SLC35F1: variants seen among roughly 807,000 people sequenced by gnomAD.
SLC35F1 encodes solute carrier family 35 member F1.
SLC35F1 carries 14 observed loss-of-function variants against 48.7 expected under a neutral mutation model. That is an observed-to-expected ratio of 0.29 (90% CI 0.19 to 0.45). The LOEUF (loss-of-function observed/expected upper bound fraction) is 0.45. Ranked by LOEUF, SLC35F1 falls within the 20% of genes least tolerant of loss-of-function variation. SLC35F1 has a pLI of 1.00. For missense variants in SLC35F1, 404 were observed against 500.0 expected (o/e 0.81, Z 1.83); for synonymous variants, 190 against 202.2 (o/e 0.94, Z 0.51).
chr6:118,242,045 G>A (rs1775447689), intron 3 of SLC35F1, among the ~76,000 whole-genome samples: 4 of 152,152 alleles, frequency 2.6e-5, no homozygotes, highest in Non-Finnish European at 1.5e-5. Flanking sequence ...TCATGTGCAG[G>A]TTTTTGTGTT....
rs193092906 is a variant in SLC35F1 at position 117,926,617 on chromosome 6, G to A, written c.173+18718G>A. 5.0e-3 allele frequency among the ~76,000 whole-genome samples: 763 copies of A among 152,194 alleles called. 3 individuals are homozygous for A. Among genetic ancestry groups the A allele is most frequent in the Non-Finnish European group, 7.9e-3 (535 of 67,988 alleles). ...ACAATACATTAGAAGCCTGTGAGTG[G>A]GTGAGTATGTGATGAATTCTGGGAA... On this transcript the variant is annotated intron_variant, in intron 1 of 7. Transcript: ENST00000360388.
chr6:118,253,013 T>TTAGATAAGTA (rs971316340), intron 3 of SLC35F1, among the ~76,000 whole-genome samples: 2 of 152,066 alleles, frequency 1.3e-5, no homozygotes, highest in Admixed American at 1.3e-4. Context: ...CACATTCACA[T>TTAGATAAGTA]TAGATAAGTA....
chr6:118,163,058 C>A (rs1297951766), intron 2 of SLC35F1, among the ~76,000 whole-genome samples: 1 of 151,504 alleles, frequency 6.6e-6, no homozygotes, highest in East Asian at 1.9e-4. Context: ...CCCTCCCAGG[C>A]TCAAGCAGTT....
intron 1 of SLC35F1, among the ~76,000 whole-genome samples, chr6:118,051,623 T>C (rs1772393451): frequency 6.6e-6 from 1 of 152,130 alleles, no homozygotes; most frequent in South Asian, 2.1e-4. Context: ...TCCCTAGAGA[T>C]TCACAATATT....
intron 1 of SLC35F1, among the ~76,000 whole-genome samples, chr6:118,071,146 T>G (rs1398304161): frequency 1.4e-5 from 2 of 138,456 alleles, no homozygotes; most frequent in African/African-American, 2.7e-5. Flanking sequence ...TATATATACA[T>G]TCTATGTATA....
chr6:118,199,232 T>C (rs1352489293), intron 2 of SLC35F1, among the ~76,000 whole-genome samples: 4 of 152,208 alleles, frequency 2.6e-5, no homozygotes, highest in African/African-American at 9.6e-5. Flanking sequence ...CAGCACATTC[T>C]ACAGTTACCC....
intron 1 of SLC35F1, among the ~76,000 whole-genome samples, chr6:118,014,877 G>T (rs1777298982): frequency 6.6e-6 from 1 of 152,178 alleles, no homozygotes; most frequent in Admixed American, 6.5e-5. Flanking sequence ...GGGCTGGCAG[G>T]TAAATTGGAC....
intron 1 of SLC35F1, among the ~76,000 whole-genome samples, chr6:118,134,783 G>A (rs1409205011): frequency 6.6e-6 from 1 of 152,176 alleles, no homozygotes; most frequent in African/African-American, 2.4e-5. Flanking sequence ...CGGCTCAGAA[G>A]TGACTTGTGC....
chr6:118,121,027 T>C (rs1157113913), intron 1 of SLC35F1, among the ~76,000 whole-genome samples: 1 of 152,094 alleles, frequency 6.6e-6, no homozygotes, highest in African/African-American at 2.4e-5. Flanking sequence ...TAAACTCAAA[T>C]CTTTTTCAAA....
intron 1 of SLC35F1, among the ~76,000 whole-genome samples, chr6:118,096,494 T>C (rs1441640260): frequency 6.6e-6 from 1 of 152,222 alleles, no homozygotes; most frequent in Admixed American, 6.5e-5. Flanking sequence ...TTTCTAGCGA[T>C]TGGGTATTCA....
At chr6:118,240,295 A>G (rs1203088140) in intron 3 of SLC35F1, among the ~76,000 whole-genome samples, 3 of 152,222 alleles carry the variant, frequency 2.0e-5, no homozygotes, top group African/African-American at 7.2e-5. Context: ...AAAAGTCAAG[A>G]AAGTGTCCAT....
At chr6:117,940,814 A>G (rs1776222407) in intron 1 of SLC35F1, among the ~76,000 whole-genome samples, 1 of 152,006 alleles carries the variant, frequency 6.6e-6, no homozygotes, top group African/African-American at 2.4e-5. Flanking sequence ...ACACCCATAT[A>G]ATTTTAGTAT....
intron 7 of SLC35F1, among the ~76,000 whole-genome samples, chr6:118,304,623 A>G (rs1221879373): frequency 1.3e-5 from 2 of 152,110 alleles, no homozygotes; most frequent in Non-Finnish European, 2.9e-5. Flanking sequence ...TTTTATACCA[A>G]TCTTGGCTTT....
intron 2 of SLC35F1, among the ~76,000 whole-genome samples, chr6:118,181,444 T>G (rs1413849351): frequency 6.6e-6 from 1 of 151,862 alleles, no homozygotes; most frequent in Non-Finnish European, 1.5e-5. Context: ...AGAATAGAAA[T>G]AGAACCCCTA....
At chr6:118,243,414 G>C (rs900554025) in intron 3 of SLC35F1, among the ~76,000 whole-genome samples, 1 of 152,166 alleles carries the variant, frequency 6.6e-6, no homozygotes, top group African/African-American at 2.4e-5. Context: ...AGGAGTTTGG[G>C]GAAAGCCTGG....
At chr6:117,979,158 G>A (rs964018695) in intron 1 of SLC35F1, among the ~76,000 whole-genome samples, 4 of 152,210 alleles carry the variant, frequency 2.6e-5, no homozygotes, top group Admixed American at 1.3e-4. Flanking sequence ...GAAAGCTAGC[G>A]AAGAGCAGCT....
chr6:118,249,556 A>G (rs956870356), intron 3 of SLC35F1, among the ~76,000 whole-genome samples: 2 of 152,112 alleles, frequency 1.3e-5, no homozygotes, highest in African/African-American at 4.8e-5. Context: ...AAAAAGAAAA[A>G]CTATGCAAAG....
intron 2 of SLC35F1, among the ~76,000 whole-genome samples, chr6:118,183,819 A>C (rs190279146): frequency 1.3e-5 from 2 of 152,114 alleles, no homozygotes; most frequent in Non-Finnish European, 1.5e-5. Flanking sequence ...TACTGTGAAC[A>C]TTTCTTCCAG....
chr6:118,131,677 A>G (rs1773714193), intron 1 of SLC35F1, among the ~76,000 whole-genome samples: 1 of 152,028 alleles, frequency 6.6e-6, no homozygotes, highest in Admixed American at 6.6e-5. Flanking sequence ...CACTTTTTCT[A>G]CTTTCATGAG....
Sources: gnomAD v4.1 joint callset for allele counts (sites outside exome capture counted in the v4.1 genomes callset) on GRCh38, gnomAD v4.1.1 for gene constraint, MANE v1.5 for transcripts, NCBI Gene and HGNC (gene_info 2026-07-23, HGNC 2026-07-21) for gene names.